The following PFDN5 variants were observed in gnomAD, a reference collection of about 807,000 sequenced individuals.
PFDN5 encodes prefoldin subunit 5, also known as c-myc binding protein.
A neutral mutation model predicts 21.5 loss-of-function variants in PFDN5; 13 were observed. The observed-to-expected ratio is 0.60, with a 90% CI of 0.39 to 0.96. The LOEUF is 0.96. Among genes scored for constraint, PFDN5 ranks in the 40% least tolerant of loss-of-function variants. PFDN5 has a pLI of 0.00. For missense variants in PFDN5, 188 were observed against 186.2 expected, an observed-to-expected ratio of 1.01 and a Z score of -0.06; for synonymous variants, 84 against 68.9, an observed-to-expected ratio of 1.22 and a Z score of -1.08.
At chr12:53,296,444 T>C in intron 3 of PFDN5, 169 bp downstream of exon 3, 1 of 699,950 alleles carries the variant, frequency 1.4e-6, no homozygotes. Context: ...AATTTCGCTC[T>C]GTCGCCCAGG....
At chr12:53,298,426 C>A (rs1343858993) in intron 5 of PFDN5, 2 of 341,184 alleles carry the variant, frequency 5.9e-6, no homozygotes, top group Non-Finnish European at 1.1e-5. Flanking sequence ...AGGAAGGAAT[C>A]ATGATCCAAA....
Position 53,295,928 on chromosome 12 carries a change from C to T in PFDN5, c.162C>T (p.Asn54=). 1 of 1,606,414 alleles carries T rather than the reference C, an allele frequency of 6.2e-7. No individual in the cohort carries two copies. The highest frequency in any genetic ancestry group is 8.5e-7 in the Non-Finnish European group (1 of 1,173,078). ...VEAKDCLNVL[N]KSNEGKELLV... ...CCAAGGACTGTCTGAACGTGCTGAA[C>T]AAGAGCAACGAGGGTATGGGGTAGG... Residue 54 remains asparagine (N), a synonymous_variant, in exon 2 of 6, where the codon AAC becomes AAT. Transcript: ENST00000334478.
chr12:53,299,206 C>T, intron 5 of PFDN5, 63 bp from the exon 6 acceptor site: 1 of 1,116,360 alleles, frequency 9.0e-7, no homozygotes, highest in Non-Finnish European at 1.4e-6. Context: ...TTGCCTGTCA[C>T]TTCTCCTTAA....
intron 2 of PFDN5, 123 bp from the exon 3 acceptor site, chr12:53,296,121 A>C: frequency 1.2e-6 from 1 of 861,988 alleles, no homozygotes; most frequent in Non-Finnish European, 1.9e-6. Context: ...CTCTGCTCCT[A>C]TTGCCCCTGT....
At chr12:53,296,194 C>T in intron 2 of PFDN5, 50 bp from the exon 3 acceptor site, 2 of 1,555,226 alleles carry the variant, frequency 1.3e-6, no homozygotes, top group Non-Finnish European at 1.8e-6. Context: ...TAACGTCTTA[C>T]GTTGGAGCCG....
intron 1 of PFDN5, 79 bp downstream of exon 1, chr12:53,295,718 A>C: frequency 2.1e-6 from 3 of 1,395,936 alleles, no homozygotes; most frequent in Non-Finnish European, 3.1e-6. Flanking sequence ...CCCGGTTCCA[A>C]GTTGGCAGCC....
chr12:53,299,028 C>T (rs1393979954), intron 5 of PFDN5: 13 of 347,888 alleles, frequency 3.7e-5, no homozygotes, highest in Non-Finnish European at 6.6e-5. Flanking sequence ...CCCAGCTGTT[C>T]GGGAGGATGA....
intron 5 of PFDN5, 87 bp from the exon 6 acceptor site, chr12:53,299,182 G>A (rs1275204349): frequency 1.3e-5 from 10 of 789,996 alleles, no homozygotes; most frequent in African/African-American, 5.2e-5. Flanking sequence ...TTAGTCGGTC[G>A]CCTGTCCTTA....
chr12:53,297,839 T>G lies in PFDN5; in HGVS notation c.208-11T>G. 1.1e-5 allele frequency: 17 copies of G among 1,605,710 alleles called. No homozygotes were observed. Among genetic ancestry groups the G allele is most frequent in the Non-Finnish European group, 1.4e-5 (17 of 1,173,846 alleles). On this transcript the variant is annotated splice_polypyrimidine_tract_variant and intron_variant, in intron 3 of 5. Transcript: ENST00000334478. ...GGCTGGCTAGTTTTTCCCTTAATTC[T>G]TGCTTCTCAGATGTATGTCCCTGGG...
chr12:53,299,219 C>T (rs886888535), intron 5 of PFDN5, 50 bp from the exon 6 acceptor site: 6 of 1,281,054 alleles, frequency 4.7e-6, no homozygotes, highest in Non-Finnish European at 6.8e-6. Flanking sequence ...CTCCTTAACT[C>T]TAGGTTCTCC....
chr12:53,298,033 C>G lies in PFDN5; in HGVS notation c.283-12C>G, dbSNP rs748150892. 1.9e-6 allele frequency: 3 copies of G among 1,598,896 alleles called. No homozygotes were observed. The highest frequency in any genetic ancestry group is 2.6e-6 in the Non-Finnish European group (3 of 1,166,294). Reference sequence around the variant, plus strand: ...TCTCCTTTTAGCCCCTTATTCACCTCTGATCTTGTAGACAGCTGAGGATGC... The same window carrying G: ...TCTCCTTTTAGCCCCTTATTCACCTGTGATCTTGTAGACAGCTGAGGATGC... On this transcript the variant is annotated splice_polypyrimidine_tract_variant and intron_variant, in intron 4 of 5. Transcript: ENST00000334478.
rs777490899 is a variant in PFDN5, at chr12:53,299,406, A to G, written c.*61A>G. 23 of 1,089,102 alleles carry G rather than the reference A, an allele frequency of 2.1e-5. No individual in the cohort carries two copies. Among genetic ancestry groups the G allele is most frequent in the Non-Finnish European group, 3.1e-5 (22 of 719,538 alleles). The allele number at this position is 1,089,102 out of a possible 1,614,324, so 67.5% of individuals were successfully genotyped here. ...TGGGCGTGGCTTCCTGGTGATGGGA[A>G]GGGTCTTGTGTTTTAATGCCAATAA... is the stretch of plus-strand genomic sequence containing the variant. On this transcript the variant is annotated 3_prime_UTR_variant, in exon 6 of 6. Transcript: ENST00000334478.
At chr12:53,296,127 CCT>C (rs757067964) in intron 2 of PFDN5, 115 bp from the exon 3 acceptor site, 41 of 905,080 alleles carry the variant, frequency 4.5e-5, no homozygotes, top group Non-Finnish European at 6.7e-5. Context: ...TCCTATTGCC[CCT>C]GTTTCCGTTC....
At chr12:53,297,442 C>G (rs1944164689) in intron 3 of PFDN5, 2 of 181,068 alleles carry the variant, frequency 1.1e-5, no homozygotes, top group African/African-American at 2.4e-5. Context: ...AAGCAAAAAA[C>G]AAACAAAACA....
At chr12:53,296,808 G>A (rs1017383113) in intron 3 of PFDN5, 2 of 194,574 alleles carry the variant, frequency 1.0e-5, no homozygotes, top group Non-Finnish European at 2.1e-5. Flanking sequence ...ATGTATAGTT[G>A]AGATGTAATA....
chr12:53,296,443 C>T (rs1470535002), intron 3 of PFDN5, 168 bp downstream of exon 3: 2 of 700,168 alleles, frequency 2.9e-6, no homozygotes, highest in Non-Finnish European at 5.1e-6. Context: ...GAATTTCGCT[C>T]TGTCGCCCAG....
chr12:53,298,047 A>C lies in PFDN5; in HGVS notation c.285A>C (p.Thr95=), dbSNP rs1944176779. Residue 95 remains threonine, a splice_region_variant and synonymous_variant, in exon 5 of 6, where the codon ACA becomes ACC. Coordinates refer to ENST00000334478, the MANE Select transcript of PFDN5 (RefSeq NM_002624.4). The stretch of plus-strand genomic sequence containing the variant: ...CTTATTCACCTCTGATCTTGTAGAC[A>C]GCTGAGGATGCCAAGGACTTCTTCA... ...DVGTGYYVEK[T]AEDAKDFFKR... 1 of 1,609,480 alleles carries C rather than the reference A, an allele frequency of 6.2e-7. No homozygotes were observed. Among genetic ancestry groups the C allele is most frequent in the Non-Finnish European group, 8.5e-7 (1 of 1,175,760 alleles).
Position 53,298,076 on chromosome 12 carries a change from G to A in PFDN5, c.314G>A (p.Arg105Lys). 1.9e-6 allele frequency: 3 copies of A among 1,613,530 alleles called. No individual in the cohort carries two copies. Among genetic ancestry groups the A allele is most frequent in the Non-Finnish European group, 2.5e-6 (3 of 1,179,464 alleles). Residue 105 changes from arginine to lysine, a missense_variant, in exon 5 of 6, where the codon AGG (arginine) becomes AAG (lysine). By Grantham distance (26) the Arg-to-Lys change is conservative. Coordinates refer to ENST00000334478, the MANE Select transcript of PFDN5 (RefSeq NM_002624.4). ...TAEDAKDFFK[R>K]KIDFLTKQME... ...GAGGATGCCAAGGACTTCTTCAAGA[G>A]GAAGATAGATTTTCTAACCAAGCAG...
chr12:53,295,707 GC>G, intron 1 of PFDN5, 68 bp downstream of exon 1: 2 of 1,454,506 alleles, frequency 1.4e-6, no homozygotes, highest in Non-Finnish European at 1.9e-6. Flanking sequence ...TACTTCTCGC[GC>G]CCGGTTCCAA....
Sources: allele counts gnomAD v4.1 joint callset, GRCh38; gene constraint gnomAD v4.1.1; transcripts MANE v1.5; gene names NCBI Gene and HGNC (gene_info 2026-07-23, HGNC 2026-07-21).